Variants in TMEM132C observed in about 807,000 individuals in gnomAD.
The protein encoded by TMEM132C is transmembrane protein 132C.
A neutral mutation model predicts 61.4 loss-of-function variants in TMEM132C; 29 were observed. That is an observed-to-expected ratio of 0.47 (90% CI 0.35 to 0.64). The LOEUF is 0.64. Among genes scored for constraint, TMEM132C ranks in the 30% least tolerant of loss-of-function variants. The probability of loss-of-function intolerance (pLI) is 0.00; values close to 1 mark genes in which losing one functional copy is unlikely to be tolerated. For synonymous variants in TMEM132C, 656 were observed against 633.1 expected, an observed-to-expected ratio of 1.04 and a Z score of -0.54; for missense variants, 1,408 against 1,476.9, an observed-to-expected ratio of 0.95 and a Z score of 0.76.
chr12:128,686,328 C>T (rs894302405), intron 5 of TMEM132C, among the ~76,000 whole-genome samples: 4 of 152,178 alleles, frequency 2.6e-5, no homozygotes, highest in Non-Finnish European at 4.4e-5. Flanking sequence ...CCAGCTCTGG[C>T]CATTTAATCC....
intron 1 of TMEM132C, among the ~76,000 whole-genome samples, chr12:128,273,836 A>G (rs2135891875): frequency 6.6e-6 from 1 of 152,270 alleles, no homozygotes; most frequent in Non-Finnish European, 1.5e-5. Flanking sequence ...GTTTTCCTCT[A>G]CTATGTTTTC....
At chr12:128,547,420 C>T (rs112023041) in intron 3 of TMEM132C, among the ~76,000 whole-genome samples, 246 of 151,290 alleles carry the variant, frequency 1.6e-3, no homozygotes, top group African/African-American at 4.9e-3. Flanking sequence ...AAAAATTAGC[C>T]GGGCGTGGTG....
chr12:128,574,965 G>A (rs1875034251), intron 3 of TMEM132C, among the ~76,000 whole-genome samples: 1 of 152,178 alleles, frequency 6.6e-6, no homozygotes, highest in Non-Finnish European at 1.5e-5. Flanking sequence ...ACAGGCTATA[G>A]CAGAGATAAC....
intron 2 of TMEM132C, among the ~76,000 whole-genome samples, chr12:128,491,745 G>A (rs78108386): frequency 0.04 from 6,103 of 152,010 alleles, 392 homozygotes; most frequent in African/African-American, 0.13. Context: ...AGGTTGTACC[G>A]GCTCTCAACT....
intron 1 of TMEM132C, among the ~76,000 whole-genome samples, chr12:128,315,448 C>T (rs1011487590): frequency 2.6e-5 from 4 of 151,872 alleles, no homozygotes; most frequent in Admixed American, 1.3e-4. Context: ...GGAAGAAAAC[C>T]GCGCCATTTC....
rs184462798 is a variant in TMEM132C at position 128,690,026 on chromosome 12, C to T, written c.1450-3803C>T. Among the ~76,000 whole-genome samples, 267 of 152,292 alleles carry T rather than the reference C, an allele frequency of 1.8e-3. 1 individual carries two copies. The highest frequency in any genetic ancestry group is 6.2e-3 in the African/African-American group (257 of 41,562). ...CTTGGAAAGTGACCCCCAGGCTCTT[C>T]CTAGGAGGCAGGTGCAGACTCAGGA... is the stretch of plus-strand genomic sequence containing the variant. On this transcript the variant is annotated intron_variant, in intron 5 of 8. Coordinates refer to ENST00000435159, the MANE Select transcript of TMEM132C (RefSeq NM_001136103.3).
intron 1 of TMEM132C, among the ~76,000 whole-genome samples, chr12:128,284,117 A>G (rs1870982758): frequency 6.6e-6 from 1 of 152,318 alleles, no homozygotes; most frequent in South Asian, 2.1e-4. Context: ...ACCAGAGAGG[A>G]CCATGGGCCC....
intron 1 of TMEM132C, among the ~76,000 whole-genome samples, chr12:128,269,165 T>C (rs1195689016): frequency 6.6e-6 from 1 of 152,124 alleles, no homozygotes; most frequent in East Asian, 1.9e-4. Flanking sequence ...CCAGCAGTTT[T>C]TTGTTGATAA....
chr12:128,283,598 T>C (rs575421568), intron 1 of TMEM132C, among the ~76,000 whole-genome samples: 3 of 152,274 alleles, frequency 2.0e-5, no homozygotes, highest in African/African-American at 7.2e-5. Flanking sequence ...CTGTTCTCTG[T>C]CTACTGTTCT....
At chr12:128,441,925 C>T (rs935855614) in intron 2 of TMEM132C, among the ~76,000 whole-genome samples, 1 of 152,094 alleles carries the variant, frequency 6.6e-6, no homozygotes, top group African/African-American at 2.4e-5. Flanking sequence ...TCACTTGAAC[C>T]GGAGAGGCAG....
intron 1 of TMEM132C, among the ~76,000 whole-genome samples, chr12:128,373,667 T>G (rs1471431643): frequency 2.0e-5 from 3 of 152,186 alleles, no homozygotes; most frequent in Non-Finnish European, 2.9e-5. Context: ...GATCTCATGT[T>G]GTTGACTGCT....
chr12:128,586,034 A>G (rs762174520), intron 3 of TMEM132C, among the ~76,000 whole-genome samples: 57 of 152,220 alleles, frequency 3.7e-4, no homozygotes, highest in Non-Finnish European at 7.5e-4. Context: ...AAAACGGTGC[A>G]GATCGCAAAT....
chr12:128,380,065 TCTC>T (rs1283200176), intron 1 of TMEM132C, among the ~76,000 whole-genome samples: 1 of 152,228 alleles, frequency 6.6e-6, no homozygotes, highest in African/African-American at 2.4e-5. Context: ...ATCTGTAAAA[TCTC>T]CTTTCCTCAA....
At chr12:128,501,143 T>TC (rs1872163162) in intron 2 of TMEM132C, among the ~76,000 whole-genome samples, 1 of 152,164 alleles carries the variant, frequency 6.6e-6, no homozygotes, top group Non-Finnish European at 1.5e-5. Context: ...TCCATAGCTC[T>TC]CCCCCATATC....
At chr12:128,546,630 T>C (rs531925540) in intron 3 of TMEM132C, among the ~76,000 whole-genome samples, 58 of 152,092 alleles carry the variant, frequency 3.8e-4, no homozygotes, top group African/African-American at 1.3e-3. Flanking sequence ...AAATAGAGAA[T>C]AATGGCATCT....
At chr12:128,530,731 C>T (rs1873264744) in intron 2 of TMEM132C, among the ~76,000 whole-genome samples, 1 of 152,250 alleles carries the variant, frequency 6.6e-6, no homozygotes, top group Admixed American at 6.5e-5. Context: ...GCATGAGCCA[C>T]CATGCCCGGC....
intron 4 of TMEM132C, among the ~76,000 whole-genome samples, chr12:128,646,920 A>C (rs538990627): frequency 6.8e-6 from 1 of 147,332 alleles, no homozygotes; most frequent in East Asian, 2.1e-4. Flanking sequence ...ACTGGAGTCC[A>C]TCAGTGTTGG....
At chr12:128,673,371 C>A (rs1954552081) in intron 5 of TMEM132C, among the ~76,000 whole-genome samples, 4 of 152,182 alleles carry the variant, frequency 2.6e-5, no homozygotes, top group African/African-American at 9.6e-5. Context: ...ATTCTGGCAT[C>A]CTGATCTCAG....
rs114163022 is a variant in TMEM132C at position 128,617,594 on chromosome 12, G to A, written c.1305+1259G>A. Among the ~76,000 whole-genome samples the A allele has an allele frequency of 2.4e-3, 368 of 152,216 alleles. 2 individuals carry two copies. The highest frequency in any genetic ancestry group is 8.4e-3 in the African/African-American group (348 of 41,546). ...AGGTGAGGCAGGTGTGAAATCAAGT[G>A]GGGCAGATGCAGAGTCAGGTGGGAC... is the stretch of plus-strand genomic sequence containing the variant. On this transcript the variant is annotated intron_variant, in intron 4 of 8. Coordinates refer to ENST00000435159, the MANE Select transcript of TMEM132C (RefSeq NM_001136103.3).
Sources: gnomAD v4.1 joint callset for allele counts (sites outside exome capture counted in the v4.1 genomes callset) on GRCh38, gnomAD v4.1.1 for gene constraint, MANE v1.5 for transcripts, NCBI Gene and HGNC (gene_info 2026-07-23, HGNC 2026-07-21) for gene names.